PVALEF: variants seen among roughly 807,000 people sequenced by gnomAD.
PVALEF encodes parvalbumin-like EF-hand-containing protein.
Under a neutral mutation model 1.2 loss-of-function variants are expected in PVALEF, and 2 were observed. That is an observed-to-expected ratio of 1.68 (90% CI 0.69 to 5.28). PVALEF has a LOEUF of 5.28. PVALEF is among the 30% of genes most tolerant of loss of function. The pLI, the probability that PVALEF is intolerant of heterozygous loss-of-function variation, is 0.06. For missense variants in PVALEF, 35 were observed against 17.7 expected, an observed-to-expected ratio of 1.97 and a Z score of -1.75; for synonymous variants, 16 against 6.5, an observed-to-expected ratio of 2.47 and a Z score of -2.24.
intron 6 of PVALEF, among the ~76,000 whole-genome samples, chr17:81,182,492 C>A (rs765484162): frequency 2.0e-5 from 3 of 152,210 alleles, no homozygotes; most frequent in African/African-American, 7.2e-5. Context: ...GCCCAGCCAC[C>A]GGCCGTTCTC....
At chr17:81,170,136 G>C (rs983408159) in intron 2 of PVALEF, among the ~76,000 whole-genome samples, 1 of 150,310 alleles carries the variant, frequency 6.7e-6, no homozygotes, top group African/African-American at 2.5e-5. Flanking sequence ...GTGTGTGTTG[G>C]TGTGGATGTG....
chr17:81,180,875 C>T (rs991096398), intron 3 of PVALEF, among the ~76,000 whole-genome samples: 6 of 152,174 alleles, frequency 3.9e-5, no homozygotes, highest in East Asian at 1.9e-4. Flanking sequence ...CCAGGACACC[C>T]GCTTCCCCTT....
At chr17:81,182,783 G>A (rs553509547) in intron 6 of PVALEF, among the ~76,000 whole-genome samples, 182 bp from the exon 7 acceptor site, 8 of 152,354 alleles carry the variant, frequency 5.3e-5, no homozygotes, top group Admixed American at 6.5e-5. Context: ...CAGCTCCAGC[G>A]TGGGGCCGCC....
intron 1 of PVALEF, 143 bp downstream of exon 1, chr17:81,165,890 G>A (rs995264192): frequency 2.6e-6 from 4 of 1,553,612 alleles, no homozygotes; most frequent in African/African-American, 1.4e-5. Flanking sequence ...CATCACGTCC[G>A]CAGCGGAGGG....
intron 2 of PVALEF, among the ~76,000 whole-genome samples, chr17:81,169,122 C>T (rs896350859): frequency 5.9e-5 from 9 of 152,154 alleles, no homozygotes; most frequent in South Asian, 2.1e-4. Context: ...GGGCCAGAGC[C>T]GGGAGAGGGG....
At position 81,166,739 on chromosome 17, in the gene PVALEF, G is replaced by A. The variant is rs928594752; in HGVS notation, c.-445G>A. 6.1e-5 allele frequency: 28 copies of A among 456,288 alleles called. No individual in the cohort carries two copies. The highest frequency in any genetic ancestry group is 1.0e-4 in the Non-Finnish European group (23 of 226,868). The allele number at this position is 456,288 out of a possible 1,614,324, so 28.3% of individuals were successfully genotyped here. On this transcript the variant is annotated 5_prime_UTR_variant, in exon 2 of 7. An upstream open reading frame in the 5' UTR gains an earlier in-frame stop. Coordinates refer to ENST00000637878, the MANE Select transcript of PVALEF (RefSeq NM_001354639.2). ...CCCTTTGGGTGGCACCTGTGCTGGT[G>A]GAGTGGGGGTGGCTGGCTTTGCACA...
In PVALEF at chr17:81,165,710, C is replaced by T. The variant is rs1239518620; in HGVS notation, c.-545C>T. On this transcript the variant is annotated 5_prime_UTR_variant, in exon 1 of 7. The change creates a new upstream start codon in the 5' untranslated region. Transcript: ENST00000637878. ...TGCCCTGGAGGCAGCCACGGAGTCA[C>T]GACCACGCGGGGGACGCCAGCCCAC... is the stretch of plus-strand genomic sequence containing the variant. 2 of 1,519,784 alleles carry T rather than the reference C, an allele frequency of 1.3e-6. No individual in the cohort carries two copies. Among genetic ancestry groups the T allele is most frequent in the South Asian group, 2.4e-5 (2 of 82,962 alleles). The allele number at this position is 1,519,784 out of a possible 1,614,324, so 94.1% of individuals were successfully genotyped here.
Position 81,165,725 on chromosome 17 carries a change from C to A in PVALEF, c.-530C>A. 6.6e-7 allele frequency: 1 copy of A among 1,522,478 alleles called. No homozygotes were observed. Among genetic ancestry groups the A allele is most frequent in the South Asian group, 1.2e-5 (1 of 82,914 alleles). 94.3% of individuals were successfully genotyped at this position (1,522,478 alleles called of 1,614,324 possible). A position where few individuals can be genotyped will look rare whatever the true frequency, so the allele number is the denominator to read the frequency against. ...CACGGAGTCACGACCACGCGGGGGACGCCAGCCCACAGGCGGAGGCCGGTT... is the reference window on the plus strand; with the variant it reads ...CACGGAGTCACGACCACGCGGGGGAAGCCAGCCCACAGGCGGAGGCCGGTT... On this transcript the variant is annotated 5_prime_UTR_variant, in exon 1 of 7. Transcript: ENST00000637878.
intron 2 of PVALEF, among the ~76,000 whole-genome samples, chr17:81,171,641 A>G (rs967328672): frequency 5.3e-5 from 8 of 151,738 alleles, no homozygotes; most frequent in Non-Finnish European, 4.4e-5. Flanking sequence ...ACAGGCGCCC[A>G]CCACCACACC....
rs752994208 is a variant in PVALEF, at chr17:81,166,698, G to A, written c.-486G>A. 4.4e-6 allele frequency: 2 copies of A among 454,180 alleles called. No homozygotes were observed. Among genetic ancestry groups the A allele is most frequent in the Non-Finnish European group, 8.8e-6 (2 of 226,628 alleles). The allele number at this position is 454,180 out of a possible 1,614,324, so 28.1% of individuals were successfully genotyped here. A position where few individuals can be genotyped will look rare whatever the true frequency, so the allele number is the denominator to read the frequency against. On this transcript the variant is annotated 5_prime_UTR_variant, in exon 2 of 7. Coordinates refer to ENST00000637878, the MANE Select transcript of PVALEF (RefSeq NM_001354639.2). ...GCAGGTTTCGAGGCGGCTGGCAGCC[G>A]CCCCCCCACCCCATGCCCTTTGGGT...
In PVALEF at chr17:81,165,681, C is replaced by G. The variant is rs117546586; in HGVS notation, c.-574C>G. The G allele has an allele frequency of 6.1e-3, 9,212 of 1,512,284 alleles. 43 individuals are homozygous for G. The highest frequency in any genetic ancestry group is 7.4e-3 in the Non-Finnish European group (8,329 of 1,131,848). 93.7% of individuals were successfully genotyped at this position (1,512,284 alleles called of 1,614,324 possible). A position where few individuals can be genotyped will look rare whatever the true frequency, so the allele number is the denominator to read the frequency against. The stretch of plus-strand genomic sequence containing the variant: ...ACGCAGGCCCTCCGTGCCCCAGTTA[C>G]CTGTGCCCTGGAGGCAGCCACGGAG... On this transcript the variant is annotated 5_prime_UTR_variant, in exon 1 of 7. Coordinates refer to ENST00000637878, the MANE Select transcript of PVALEF (RefSeq NM_001354639.2).
intron 6 of PVALEF, among the ~76,000 whole-genome samples, chr17:81,182,716 C>T (rs2061559114): frequency 6.6e-6 from 1 of 152,230 alleles, no homozygotes; most frequent in African/African-American, 2.4e-5. Flanking sequence ...CACTGCAAGC[C>T]CCCAGTCCCC....
intron 1 of PVALEF, chr17:81,166,069 C>T: frequency 2.8e-6 from 3 of 1,058,876 alleles, no homozygotes; most frequent in Non-Finnish European, 3.5e-6. Flanking sequence ...CGAGCCGCCG[C>T]ATCACCCAGC....
At chr17:81,178,168 G>A (rs2061541633) in intron 2 of PVALEF, among the ~76,000 whole-genome samples, 1 of 152,182 alleles carries the variant, frequency 6.6e-6, no homozygotes, top group African/African-American at 2.4e-5. Context: ...ATTGTCACCT[G>A]TCACATATCA....
Position 81,165,620 on chromosome 17 carries a change from T to C in PVALEF, c.-635T>C, listed in dbSNP as rs1336702595. The C allele has an allele frequency of 4.2e-6, 6 of 1,441,528 alleles. No homozygotes were observed. In the Admixed American group the frequency reaches 8.3e-5, roughly 20 times the overall value. 89.3% of individuals were successfully genotyped at this position (1,441,528 alleles called of 1,614,324 possible). ...CACCCCCCACACCCCCAAGGGCCCT[T>C]AGTCTGAGACCAACTCTCCTGGACA... On this transcript the variant is annotated 5_prime_UTR_variant, in exon 1 of 7. Coordinates refer to ENST00000637878, the MANE Select transcript of PVALEF (RefSeq NM_001354639.2).
At chr17:81,170,548 C>T (rs1018906608) in intron 2 of PVALEF, among the ~76,000 whole-genome samples, 5 of 152,096 alleles carry the variant, frequency 3.3e-5, no homozygotes, top group Admixed American at 6.5e-5. Context: ...ATTCAACCCC[C>T]GATGGGAGTG....
chr17:81,181,902 C>T, intron 5 of PVALEF, 64 bp from the exon 6 acceptor site: 3 of 398,420 alleles, frequency 7.5e-6, no homozygotes, highest in Non-Finnish European at 1.3e-5. Context: ...GGGCGAACGG[C>T]TCGTGAGTCA....
At chr17:81,170,158 GGTGT>G (rs946631861) in intron 2 of PVALEF, among the ~76,000 whole-genome samples, 1 of 148,760 alleles carries the variant, frequency 6.7e-6, no homozygotes, top group Non-Finnish European at 1.5e-5. Context: ...GTGCATATGT[GGTGT>G]GTGTGCATGT....
intron 2 of PVALEF, among the ~76,000 whole-genome samples, chr17:81,174,681 G>T: frequency 6.6e-6 from 1 of 151,694 alleles, no homozygotes; most frequent in Non-Finnish European, 1.5e-5. Flanking sequence ...CAGGCGCGGT[G>T]GCTCACGCCT....
Sources: allele counts gnomAD v4.1 joint callset (sites outside exome capture counted in the v4.1 genomes callset), GRCh38; gene constraint gnomAD v4.1.1; transcripts MANE v1.5; gene names NCBI Gene and HGNC (gene_info 2026-07-23, HGNC 2026-07-21).